FBXO38: variants seen among roughly 807,000 people sequenced by gnomAD.
FBXO38 encodes the protein F-box only protein 38.
Under a neutral mutation model 131.9 loss-of-function variants are expected in FBXO38, and 53 were observed. The observed-to-expected ratio is 0.40, with a 90% CI of 0.32 to 0.51. FBXO38 has a LOEUF of 0.51. Among genes scored for constraint, FBXO38 ranks in the 20% least tolerant of loss-of-function variants. The pLI is 0.53. For synonymous variants in FBXO38, 452 were observed against 505.6 expected, an observed-to-expected ratio of 0.89 and a Z score of 1.42; for missense variants, 1,076 against 1,475.6, an observed-to-expected ratio of 0.73 and a Z score of 4.44.
intron 15 of FBXO38, among the ~76,000 whole-genome samples, chr5:148,431,473 A>C (rs1754039867): frequency 6.6e-6 from 1 of 152,202 alleles, no homozygotes; most frequent in South Asian, 2.1e-4. Context: ...TGCTCTGATA[A>C]ATTAAAGGGG....
At chr5:148,393,790 A>G (rs1456726409) in intron 1 of FBXO38, among the ~76,000 whole-genome samples, 2 of 152,160 alleles carry the variant, frequency 1.3e-5, no homozygotes, top group Non-Finnish European at 2.9e-5. Context: ...CTACAAAGCC[A>G]TTAATATAAA....
chr5:148,420,403 A>C (rs1229795319), intron 12 of FBXO38, among the ~76,000 whole-genome samples: 2 of 152,144 alleles, frequency 1.3e-5, no homozygotes, highest in African/African-American at 2.4e-5. Flanking sequence ...CTGTGATTAC[A>C]GGCATGAGTC....
chr5:148,398,627 C>G (rs1003593816), intron 2 of FBXO38, among the ~76,000 whole-genome samples: 1 of 151,648 alleles, frequency 6.6e-6, no homozygotes, highest in South Asian at 2.1e-4. Flanking sequence ...TTGAGTAATT[C>G]TCTCTGATCT....
At chr5:148,407,956 C>T (rs2113553746) in intron 7 of FBXO38, among the ~76,000 whole-genome samples, 1 of 151,662 alleles carries the variant, frequency 6.6e-6, no homozygotes, top group South Asian at 2.1e-4. Context: ...AGTGAAAAAC[C>T]AAGCTACAGA....
intron 18 of FBXO38, among the ~76,000 whole-genome samples, chr5:148,439,096 A>G (rs1754520813): frequency 1.3e-5 from 2 of 152,204 alleles, no homozygotes; most frequent in Admixed American, 1.3e-4. Flanking sequence ...AACACAACAC[A>G]TGATCCTTCC....
In FBXO38 at chr5:148,409,087, C is replaced by T. The variant is rs746380365; in HGVS notation, c.869-37C>T. On this transcript the variant is annotated intron_variant, in intron 7 of 21. Transcript: ENST00000340253. The stretch of plus-strand genomic sequence containing the variant: ...GTATATAAATACTTCACTAAAAATG[C>T]TATGGTCAAACACTTGTTTTTGTTC... 2.6e-6 allele frequency: 3 copies of T among 1,169,000 alleles called. No individual in the cohort carries two copies. In the South Asian group the frequency reaches 3.7e-5, roughly 14 times the overall value. The allele number at this position is 1,169,000 out of a possible 1,614,324, so 72.4% of individuals were successfully genotyped here.
rs751806038 is a variant in FBXO38, at chr5:148,414,119, T to C, written c.1094-17T>C. The C allele has an allele frequency of 6.3e-7, 1 of 1,575,956 alleles. No individual in the cohort carries two copies. The highest frequency in any genetic ancestry group is 1.2e-5 in the South Asian group (1 of 84,750). The stretch of plus-strand genomic sequence containing the variant: ...AGAATTTGACTTTTTTTTTTTTTAA[T>C]TGATTGCTCTTTTTAGGCAGAATGG... On this transcript the variant is annotated splice_polypyrimidine_tract_variant and intron_variant, in intron 9 of 21. Coordinates refer to ENST00000340253, the MANE Select transcript of FBXO38 (RefSeq NM_205836.3).
chr5:148,427,169 A>T (rs992192014), intron 14 of FBXO38, 44 bp from the exon 15 acceptor site: 7 of 1,535,314 alleles, frequency 4.6e-6, no homozygotes, highest in African/African-American at 1.4e-5. Context: ...TTTATACTGA[A>T]ATCTTTTCTT....
chr5:148,402,605 T>A, intron 5 of FBXO38, 92 bp downstream of exon 5: 1 of 1,132,132 alleles, frequency 8.8e-7, no homozygotes, highest in African/African-American at 1.6e-5. Flanking sequence ...ATTTTAGAGA[T>A]GGCTTTGTTG....
chr5:148,395,358 T>C (rs1439536014), intron 2 of FBXO38, among the ~76,000 whole-genome samples: 1 of 152,134 alleles, frequency 6.6e-6, no homozygotes, highest in East Asian at 1.9e-4. Context: ...TTTTCTGAGA[T>C]AATACCCATC....
chr5:148,430,801 A>G (rs577065454), intron 15 of FBXO38: 4 of 152,356 alleles, frequency 2.6e-5, no homozygotes, highest in African/African-American at 4.8e-5. Flanking sequence ...AGAAGCTAAT[A>G]TAATTGTTTT....
intron 17 of FBXO38, among the ~76,000 whole-genome samples, chr5:148,435,327 T>G (rs933562249): frequency 1.3e-5 from 2 of 152,168 alleles, no homozygotes; most frequent in African/African-American, 4.8e-5. Flanking sequence ...CATTTGTGGG[T>G]TCACTGGAAT....
rs761957923 is a variant in FBXO38, at chr5:148,438,481, C to T, written c.3007C>T (p.Leu1003=). The T allele has an allele frequency of 1.9e-6, 3 of 1,613,156 alleles. No homozygotes were observed. The South Asian group carries it at 3.3e-5, about 18-fold the overall frequency. ...ACCCGAGAGAAACCGCATCATATACCTACGCCCAATGCAGCAGGTAACGAG... is the reference window on the plus strand; with the variant it reads ...ACCCGAGAGAAACCGCATCATATACTTACGCCCAATGCAGCAGGTAACGAG... The part of the protein sequence containing the change: ...MPPERNRIIY[L]RPMQQVDTLT... The change falls in exon 18 of 22, where the codon CTA becomes TTA. Residue 1003 remains leucine, a synonymous_variant. Coordinates refer to ENST00000340253, the MANE Select transcript of FBXO38 (RefSeq NM_205836.3).
intron 12 of FBXO38, among the ~76,000 whole-genome samples, chr5:148,421,907 A>G (rs1394809147): frequency 6.6e-6 from 1 of 152,218 alleles, no homozygotes; most frequent in African/African-American, 2.4e-5. Flanking sequence ...TCAAGCCATT[A>G]TGCTTTTTTT....
chr5:148,390,244 G>A (rs1330433799), intron 1 of FBXO38, among the ~76,000 whole-genome samples: 4 of 152,088 alleles, frequency 2.6e-5, no homozygotes, highest in Non-Finnish European at 5.9e-5. Context: ...ACTGAGTAAG[G>A]GTGGGGGAAA....
intron 17 of FBXO38, chr5:148,434,250 C>G (rs763278897): frequency 6.6e-6 from 1 of 152,120 alleles, no homozygotes; most frequent in Non-Finnish European, 1.5e-5. Flanking sequence ...CATCTACACT[C>G]GTGTATTAAA....
At chr5:148,385,856 T>C (rs564033397) in intron 1 of FBXO38, among the ~76,000 whole-genome samples, 1 of 152,288 alleles carries the variant, frequency 6.6e-6, no homozygotes, top group African/African-American at 2.4e-5. Context: ...AGGGAAGCCC[T>C]TGACCAGATA....
At position 148,404,511 on chromosome 5, in the gene FBXO38, T is replaced by G. The variant is rs533775540; in HGVS notation, c.593-174T>G. 3.4e-3 allele frequency among the ~76,000 whole-genome samples: 511 copies of G among 152,324 alleles called. 2 individuals carry two copies. The highest frequency in any genetic ancestry group is 5.7e-3 in the Non-Finnish European group (388 of 68,014). On this transcript the variant is annotated intron_variant, in intron 5 of 21. Coordinates refer to ENST00000340253, the MANE Select transcript of FBXO38 (RefSeq NM_205836.3). The stretch of plus-strand genomic sequence containing the variant: ...TTTATGGTTTACGTAAACTGTTCTT[T>G]GTAAGCCTGTTTTAAATAAGGCAAA...
chr5:148,406,427 T>A (rs1752447536), intron 7 of FBXO38, 33 bp downstream of exon 7: 2 of 1,485,890 alleles, frequency 1.3e-6, no homozygotes, highest in Admixed American at 2.3e-5. Flanking sequence ...AAATATTTTT[T>A]AAAAATCAAC....
Sources: gnomAD v4.1 joint callset for allele counts (sites outside exome capture counted in the v4.1 genomes callset) on GRCh38, gnomAD v4.1.1 for gene constraint, MANE v1.5 for transcripts, NCBI Gene and HGNC (gene_info 2026-07-23, HGNC 2026-07-21) for gene names.